The following CCDC171 variants were observed in gnomAD, a reference collection of about 807,000 sequenced individuals.
CCDC171 encodes the protein coiled-coil domain containing 171.
A neutral mutation model predicts 168.2 loss-of-function variants in CCDC171; 177 were observed. That is an observed-to-expected ratio of 1.05 (90% CI 0.93 to 1.19). The LOEUF (loss-of-function observed/expected upper bound fraction) is 1.19, where lower values mean the gene tolerates loss of function less well. Among genes scored for constraint, CCDC171 ranks in the 50% most tolerant of loss-of-function variants. The pLI, the probability that CCDC171 is intolerant of heterozygous loss-of-function variation, is 0.00. For synonymous variants in CCDC171, 687 were observed against 540.8 expected (o/e 1.27, Z -3.75); for missense variants, 1,991 against 1,539.0 (o/e 1.29, Z -4.91).
At chr9:15,952,464 C>G (rs1216015823) in intron 25 of CCDC171, among the ~76,000 whole-genome samples, 1 of 152,116 alleles carries the variant, frequency 6.6e-6, no homozygotes, top group Non-Finnish European at 1.5e-5. Flanking sequence ...ATGGCGTGAT[C>G]TCAGCTCACT....
intron 1 of CCDC171, among the ~76,000 whole-genome samples, chr9:16,058,047 A>G (rs1833869923): frequency 1.3e-5 from 2 of 148,918 alleles, no homozygotes; most frequent in African/African-American, 5.1e-5. Context: ...TTTTTGAAAA[A>G]AAAAAAATAA....
At chr9:15,655,148 A>G (rs1348081477) in intron 7 of CCDC171, among the ~76,000 whole-genome samples, 2 of 149,286 alleles carry the variant, frequency 1.3e-5, no homozygotes, top group Non-Finnish European at 3.0e-5. Flanking sequence ...TAACCTGCAC[A>G]TTGTTCACAT....
intron 7 of CCDC171, among the ~76,000 whole-genome samples, chr9:15,637,162 A>G (rs1452176139): frequency 6.6e-6 from 1 of 152,100 alleles, no homozygotes; most frequent in Non-Finnish European, 1.5e-5. Context: ...AGGCTGAGAC[A>G]GCAAAATCAC....
intron 3 of CCDC171, among the ~76,000 whole-genome samples, chr9:15,572,000 A>G (rs1172899088): frequency 6.6e-6 from 1 of 152,174 alleles, no homozygotes; most frequent in Non-Finnish European, 1.5e-5. Context: ...TAATGGGTTC[A>G]ATTGATTAAA....
At chr9:15,688,450 T>C (rs779497232) in intron 10 of CCDC171, among the ~76,000 whole-genome samples, 3 of 152,158 alleles carry the variant, frequency 2.0e-5, no homozygotes, top group African/African-American at 2.4e-5. Flanking sequence ...CCCTTTTGAA[T>C]GTAGATGCTA....
the CCDC171 span, among the ~76,000 whole-genome samples, chr9:16,090,680 A>G: frequency 6.6e-6 from 1 of 152,170 alleles, no homozygotes; most frequent in Non-Finnish European, 1.5e-5. Flanking sequence ...CTCACCATGA[A>G]GTTTATTTTT....
chr9:15,553,617 C>A (rs2038519981), intron 1 of CCDC171: 1 of 152,252 alleles, frequency 6.6e-6, no homozygotes, highest in Non-Finnish European at 1.5e-5. Context: ...GTAAGCCCCT[C>A]GAGGATAGGG....
chr9:15,959,232 A>T (rs969314114), intron 25 of CCDC171, among the ~76,000 whole-genome samples: 3 of 152,300 alleles, frequency 2.0e-5, no homozygotes, highest in African/African-American at 7.2e-5. Context: ...TAAAGGTGGC[A>T]TATCTCTACC....
At chr9:16,106,353 G>A in the CCDC171 span, among the ~76,000 whole-genome samples, 1 of 152,170 alleles carries the variant, frequency 6.6e-6, no homozygotes, top group Non-Finnish European at 1.5e-5. Flanking sequence ...CCCTCGCACA[G>A]CATGCTTTTG....
downstream of CCDC171, among the ~76,000 whole-genome samples, chr9:15,978,997 A>G (rs1311786745): frequency 2.0e-5 from 3 of 152,072 alleles, no homozygotes; most frequent in African/African-American, 4.8e-5. Context: ...ATGTATTGCT[A>G]TTTTTATCTG....
At chr9:15,572,079 T>C (rs901904989) in intron 3 of CCDC171, among the ~76,000 whole-genome samples, 2 of 152,136 alleles carry the variant, frequency 1.3e-5, no homozygotes, top group African/African-American at 4.8e-5. Flanking sequence ...ATAATGTAGG[T>C]TCCTTTAAGG....
chr9:15,565,234 G>A (rs2821544), intron 2 of CCDC171, among the ~76,000 whole-genome samples: 8,264 of 151,960 alleles, frequency 0.054, 271 homozygotes, highest in African/African-American at 0.088. Flanking sequence ...GATTATAGGC[G>A]CCTGCTGCCA....
In CCDC171 at chr9:15,779,117, T is replaced by G. The variant is rs2057514299; in HGVS notation, c.3048T>G (p.Gly1016=). ...EMKKELDKAQ[G]LQMQLNEFKQ... ...AAAAGGAGCTTGACAAAGCCCAGGG[T>G]CTGCAAATGCAATTAAATGAATTTA... Residue 1016 remains glycine, a synonymous_variant, in exon 20 of 26, where the codon GGT becomes GGG. Coordinates refer to ENST00000380701, the MANE Select transcript of CCDC171 (RefSeq NM_173550.4). The G allele has an allele frequency of 6.3e-7, 1 of 1,585,696 alleles. No homozygotes were observed. Among genetic ancestry groups the G allele is most frequent in the South Asian group, 1.2e-5 (1 of 83,830 alleles).
At chr9:16,003,367 C>G (rs1437636612) in intron 3 of CCDC171, among the ~76,000 whole-genome samples, 1 of 152,182 alleles carries the variant, frequency 6.6e-6, no homozygotes, top group African/African-American at 2.4e-5. Context: ...AATTATTCCA[C>G]AACACAATGG....
intron 7 of CCDC171, among the ~76,000 whole-genome samples, chr9:15,633,714 C>G (rs938732005): frequency 6.6e-6 from 1 of 152,132 alleles, no homozygotes; most frequent in African/African-American, 2.4e-5. Flanking sequence ...ACTATACAGA[C>G]ACATGCACAC....
chr9:15,673,357 T>C (rs911409876), intron 9 of CCDC171, among the ~76,000 whole-genome samples: 2 of 152,210 alleles, frequency 1.3e-5, no homozygotes, highest in Non-Finnish European at 2.9e-5. Flanking sequence ...TTCTCTTGCG[T>C]GATTGCCCTG....
At chr9:16,049,542 C>T (rs1034571483) in intron 1 of CCDC171, among the ~76,000 whole-genome samples, 2 of 152,120 alleles carry the variant, frequency 1.3e-5, no homozygotes, top group Admixed American at 6.5e-5. Flanking sequence ...TCTGCTGCTG[C>T]CTTGGATATC....
intron 6 of CCDC171, among the ~76,000 whole-genome samples, chr9:15,604,963 G>T (rs571573167): frequency 2.6e-5 from 4 of 152,264 alleles, no homozygotes; most frequent in African/African-American, 9.6e-5. Flanking sequence ...TGTTGCCCAT[G>T]TTGGAGTGCA....
intron 3 of CCDC171, among the ~76,000 whole-genome samples, chr9:15,984,939 G>A (rs2987018): frequency 0.37 from 55,851 of 151,858 alleles, 10,557 homozygotes; most frequent in Non-Finnish European, 0.42. Context: ...ATTTCTATAT[G>A]AAAGTTTTGA....
Sources: gnomAD v4.1 joint callset for allele counts (sites outside exome capture counted in the v4.1 genomes callset) on GRCh38, gnomAD v4.1.1 for gene constraint, MANE v1.5 for transcripts, NCBI Gene and HGNC (gene_info 2026-07-23, HGNC 2026-07-21) for gene names.